The following DAB1 variants were observed in gnomAD, a reference collection of about 807,000 sequenced individuals.
DAB1 encodes the protein DAB adaptor protein 1, also known as disabled homolog 1.
A neutral mutation model predicts 64.6 loss-of-function variants in DAB1; 15 were observed. The ratio of observed to expected loss-of-function variants is 0.23; its 90% CI spans 0.16 to 0.36. The LOEUF is 0.36. Among genes scored for constraint, DAB1 ranks in the 10% least tolerant of loss-of-function variants. The pLI is 1.00. For synonymous variants in DAB1, 235 were observed against 251.9 expected (o/e 0.93, Z 0.64); for missense variants, 596 against 706.7 (o/e 0.84, Z 1.78).
At chr1:57,936,072 G>GT (rs761938440) in intron 5 of DAB1, among the ~76,000 whole-genome samples, 67 of 152,226 alleles carry the variant, frequency 4.4e-4, no homozygotes, top group Non-Finnish European at 1.9e-4. Flanking sequence ...TAGGCACATT[G>GT]TTTTGGGATC....
At chr1:58,023,546 T>A (rs1646844760) in intron 5 of DAB1, among the ~76,000 whole-genome samples, 1 of 152,180 alleles carries the variant, frequency 6.6e-6, no homozygotes, top group Non-Finnish European at 1.5e-5. Context: ...GGTGAGGTAC[T>A]AGAAGGCAAG....
chr1:57,080,560 G>A lies in DAB1; in HGVS notation c.307-8146C>T, dbSNP rs866460779. ...TATACACACACCAGTCTAGAAAGATGTGCATGAATTCCTTGCCTAAATATA... is the reference window on the plus strand; with the variant it reads ...TATACACACACCAGTCTAGAAAGATATGCATGAATTCCTTGCCTAAATATA... On this transcript the variant is annotated intron_variant, in intron 4 of 14. Transcript: ENST00000371236. 2.0e-5 allele frequency among the ~76,000 whole-genome samples: 3 copies of A among 152,136 alleles called. No homozygotes were observed. The South Asian group carries it at 6.2e-4, about 32-fold the overall frequency.
chr1:58,223,278 G>A (rs757825774), intron 4 of DAB1, among the ~76,000 whole-genome samples: 5 of 152,136 alleles, frequency 3.3e-5, no homozygotes, highest in South Asian at 2.1e-4. Context: ...GGCCAGGCAC[G>A]TACTCAGTTT....
At chr1:58,258,193 A>C (rs1433832686) in intron 4 of DAB1, among the ~76,000 whole-genome samples, 1 of 152,144 alleles carries the variant, frequency 6.6e-6, no homozygotes, top group Non-Finnish European at 1.5e-5. Flanking sequence ...GCGAAGGAGC[A>C]GCTGTGTCTG....
At chr1:57,856,009 C>A (rs552663251) in intron 1 of DAB1, among the ~76,000 whole-genome samples, 3 of 152,250 alleles carry the variant, frequency 2.0e-5, no homozygotes, top group South Asian at 4.1e-4. Flanking sequence ...GCAGGATTTA[C>A]TGTCAGATAA....
chr1:58,320,521 G>C (rs950133534), intron 4 of DAB1, among the ~76,000 whole-genome samples: 17 of 152,330 alleles, frequency 1.1e-4, no homozygotes, highest in African/African-American at 4.1e-4. Context: ...CATGGTTTAA[G>C]TGTCAGTGCT....
chr1:57,026,445 C>T (rs1357749472), intron 9 of DAB1, among the ~76,000 whole-genome samples: 1 of 152,142 alleles, frequency 6.6e-6, no homozygotes, highest in Admixed American at 6.5e-5. Flanking sequence ...CTTCCATGTG[C>T]AAGTATGGAC....
At chr1:58,160,130 G>T (rs1436063690) in intron 4 of DAB1, among the ~76,000 whole-genome samples, 1 of 152,130 alleles carries the variant, frequency 6.6e-6, no homozygotes, top group Non-Finnish European at 1.5e-5. Context: ...TCTGTGGTTT[G>T]AGGTAGAATC....
intron 7 of DAB1, among the ~76,000 whole-genome samples, chr1:57,626,050 A>G (rs1362778908): frequency 1.3e-5 from 2 of 152,196 alleles, no homozygotes; most frequent in African/African-American, 4.8e-5. Context: ...GGAATGGATC[A>G]TTTAGATTTA....
chr1:58,258,050 A>G (rs1660972268), intron 4 of DAB1, among the ~76,000 whole-genome samples: 1 of 152,214 alleles, frequency 6.6e-6, no homozygotes, highest in Non-Finnish European at 1.5e-5. Context: ...CCCCCAACAC[A>G]TTCCTCGTAC....
chr1:58,484,922 A>T (rs2100356769), intron 3 of DAB1, among the ~76,000 whole-genome samples: 1 of 152,232 alleles, frequency 6.6e-6, no homozygotes, highest in African/African-American at 2.4e-5. Context: ...ATGAGTAGGC[A>T]CAGAGTGTAT....
rs561992965 is a variant in DAB1 at position 57,099,194 on chromosome 1, AAC to A, written c.307-26782_307-26781del. 1.0e-3 allele frequency among the ~76,000 whole-genome samples: 154 copies of A among 152,318 alleles called. 1 individual carries two copies. The highest frequency in any genetic ancestry group is 1.9e-3 in the Non-Finnish European group (127 of 68,022). On this transcript the variant is annotated intron_variant, in intron 4 of 14. Transcript: ENST00000371236. The stretch of plus-strand genomic sequence containing the variant: ...GAGGGTACACAGACAAGGAAAAACA[AAC>A]ACAATCCTTGTGCTTATGGTGTTTA...
intron 7 of DAB1, among the ~76,000 whole-genome samples, chr1:57,477,651 C>G (rs1469008058): frequency 6.6e-6 from 1 of 152,096 alleles, no homozygotes; most frequent in Non-Finnish European, 1.5e-5. Flanking sequence ...AACCATGTTG[C>G]AGAGGCCAAA....
chr1:57,162,667 C>T (rs74074238), intron 2 of DAB1, among the ~76,000 whole-genome samples: 14,859 of 152,172 alleles, frequency 0.098, 875 homozygotes, highest in South Asian at 0.26. Context: ...AACTTGTTTG[C>T]GGAGTATTTT....
intron 5 of DAB1, among the ~76,000 whole-genome samples, chr1:58,053,608 G>A (rs963090501): frequency 1.8e-4 from 28 of 151,880 alleles, no homozygotes; most frequent in African/African-American, 6.5e-4. Flanking sequence ...AGTTTGGAGG[G>A]GACAAATATC....
intron 5 of DAB1, among the ~76,000 whole-genome samples, chr1:58,114,885 C>T (rs114988288): frequency 0.028 from 4,316 of 152,164 alleles, 93 homozygotes; most frequent in Admixed American, 0.066. Context: ...GTCTGTGCCC[C>T]GCCCATCATT....
chr1:57,634,876 TG>T (rs1279606421), intron 7 of DAB1, among the ~76,000 whole-genome samples: 1 of 151,672 alleles, frequency 6.6e-6, no homozygotes, highest in South Asian at 2.1e-4. Context: ...GGCAATGGGG[TG>T]GGGAGGGTAT....
chr1:57,474,793 G>T (rs747365970), intron 7 of DAB1, among the ~76,000 whole-genome samples: 8 of 152,260 alleles, frequency 5.3e-5, no homozygotes, highest in Non-Finnish European at 7.4e-5. Context: ...TATATTTGGG[G>T]ATATCAGCTA....
intron 1 of DAB1, among the ~76,000 whole-genome samples, chr1:57,337,341 C>T (rs960405534): frequency 6.6e-6 from 1 of 152,216 alleles, no homozygotes; most frequent in African/African-American, 2.4e-5. Context: ...TATCCCTTGC[C>T]CTGTTCCAGG....
Sources: allele counts gnomAD v4.1 joint callset (sites outside exome capture counted in the v4.1 genomes callset), GRCh38; gene constraint gnomAD v4.1.1; transcripts MANE v1.5; gene names NCBI Gene and HGNC (gene_info 2026-07-23, HGNC 2026-07-21).